The following KCNH1 variants were observed in gnomAD, a reference collection of about 807,000 sequenced individuals.
KCNH1 encodes voltage-gated delayed rectifier potassium channel KCNH1.
KCNH1 carries 27 observed loss-of-function variants against 69.2 expected under a neutral mutation model. The ratio of observed to expected loss-of-function variants is 0.39; its 90% confidence interval spans 0.29 to 0.54. The LOEUF is 0.54. Among genes scored for constraint, KCNH1 ranks in the 20% least tolerant of loss-of-function variants. The probability of loss-of-function intolerance (pLI) is 0.68; values close to 1 mark genes in which losing one functional copy is unlikely to be tolerated. For missense variants in KCNH1, 798 were observed against 1,261.6 expected, an observed-to-expected ratio of 0.63 and a Z score of 5.57; for synonymous variants, 456 against 487.7, an observed-to-expected ratio of 0.93 and a Z score of 0.86.
chr1:211,115,767 G>T (rs917166942), intron 1 of KCNH1, among the ~76,000 whole-genome samples: 5 of 145,044 alleles, frequency 3.4e-5, no homozygotes, highest in Non-Finnish European at 1.5e-5. Flanking sequence ...TATTAGTCCT[G>T]TCCTTCTAGA....
chr1:210,841,699 T>C (rs1187213159), intron 7 of KCNH1, among the ~76,000 whole-genome samples: 1 of 152,182 alleles, frequency 6.6e-6, no homozygotes. Context: ...CTATAATCTC[T>C]TATTTTAACA....
intron 7 of KCNH1, among the ~76,000 whole-genome samples, chr1:210,806,828 A>T (rs1279849795): frequency 0.14 from 6,894 of 51,000 alleles, 948 homozygotes; most frequent in East Asian, 0.36. Flanking sequence ...AAAAAAAAAA[A>T]AAAAAAAAAT....
chr1:211,117,653 A>T (rs1013347969), intron 1 of KCNH1, among the ~76,000 whole-genome samples: 5 of 152,170 alleles, frequency 3.3e-5, no homozygotes, highest in African/African-American at 9.7e-5. Flanking sequence ...CTTCCCCAGC[A>T]ATCCCTAGGC....
chr1:210,849,580 G>A (rs1354142959), intron 7 of KCNH1, among the ~76,000 whole-genome samples: 2 of 151,856 alleles, frequency 1.3e-5, no homozygotes, highest in African/African-American at 4.8e-5. Context: ...TGGTTAGGCT[G>A]GTCTCAAATT....
chr1:210,742,428 T>C (rs1392194828), intron 10 of KCNH1, among the ~76,000 whole-genome samples: 2 of 152,156 alleles, frequency 1.3e-5, no homozygotes, highest in Non-Finnish European at 2.9e-5. Flanking sequence ...AGATGGGAAA[T>C]AGAATTCCTG....
At chr1:210,686,996 C>T (rs747135220) in intron 10 of KCNH1, among the ~76,000 whole-genome samples, 15 of 152,010 alleles carry the variant, frequency 9.9e-5, no homozygotes, top group African/African-American at 2.2e-4. Flanking sequence ...CTAATGAATC[C>T]GTGGGAGAAT....
intron 4 of KCNH1, among the ~76,000 whole-genome samples, chr1:211,086,564 G>A (rs938871580): frequency 6.6e-6 from 1 of 152,036 alleles, no homozygotes; most frequent in African/African-American, 2.4e-5. Context: ...GATAAAGGAG[G>A]GGAACATAGT....
chr1:210,815,655 A>T, intron 7 of KCNH1, among the ~76,000 whole-genome samples: 1 of 152,156 alleles, frequency 6.6e-6, no homozygotes, highest in Middle Eastern at 3.2e-3. Context: ...TTAACAGTCA[A>T]TTTAGAGACT....
intron 7 of KCNH1, among the ~76,000 whole-genome samples, chr1:210,889,326 C>CA (rs1686693306): frequency 6.6e-6 from 1 of 152,006 alleles, no homozygotes; most frequent in African/African-American, 2.4e-5. Flanking sequence ...TCCATAGATG[C>CA]AAAAAAGGCC....
At chr1:211,098,953 C>T (rs1691206481) in intron 3 of KCNH1, among the ~76,000 whole-genome samples, 1 of 152,140 alleles carries the variant, frequency 6.6e-6, no homozygotes, top group Non-Finnish European at 1.5e-5. Flanking sequence ...GTCTCAGAAA[C>T]CTTAGTTCAC....
intron 10 of KCNH1, among the ~76,000 whole-genome samples, chr1:210,696,993 C>T (rs550005218): frequency 6.6e-6 from 1 of 152,190 alleles, no homozygotes. Flanking sequence ...CAACTCTCAA[C>T]CACAAGCCTG....
intron 10 of KCNH1, among the ~76,000 whole-genome samples, chr1:210,722,097 C>T (rs1035747022): frequency 6.6e-6 from 1 of 152,138 alleles, no homozygotes; most frequent in African/African-American, 2.4e-5. Context: ...GCTGGATCCT[C>T]ACAAGGGATC....
At chr1:211,083,781 A>G (rs1191174883) in intron 4 of KCNH1, among the ~76,000 whole-genome samples, 1 of 152,158 alleles carries the variant, frequency 6.6e-6, no homozygotes, top group Non-Finnish European at 1.5e-5. Flanking sequence ...ATTTTTTTAT[A>G]TCCTTCAGAG....
chr1:210,729,031 C>T (rs1682678682), intron 10 of KCNH1, among the ~76,000 whole-genome samples: 1 of 152,252 alleles, frequency 6.6e-6, no homozygotes, highest in African/African-American at 2.4e-5. Flanking sequence ...AGCAAGCTCA[C>T]AGTGGACTAT....
chr1:210,912,236 T>C (rs1687246987), intron 7 of KCNH1, among the ~76,000 whole-genome samples: 2 of 152,160 alleles, frequency 1.3e-5, no homozygotes, highest in Non-Finnish European at 1.5e-5. Flanking sequence ...TTTCTCCCTT[T>C]CACCAAGGGG....
Position 211,019,212 on chromosome 1 carries a change from C to T in KCNH1, c.603G>A (p.Glu201=). 1.2e-6 allele frequency: 2 copies of T among 1,612,308 alleles called. No homozygotes were observed. Among genetic ancestry groups the T allele is most frequent in the Middle Eastern group, 1.7e-4 (1 of 6,056 alleles). Residue 201 remains glutamate, a synonymous_variant, in exon 6 of 11, where the codon GAG becomes GAA. Coordinates refer to ENST00000271751, the MANE Select transcript of KCNH1 (RefSeq NM_172362.3). ...TGATGTGAGGGGGAGTCTTTGGTGC[C>T]TCTTGCTTGTACTGGGGAAGGATGT... ...GSDILPQYKQ[E]APKTPPHIIL...
At chr1:210,821,951 C>G (rs1684938513) in intron 7 of KCNH1, among the ~76,000 whole-genome samples, 1 of 151,988 alleles carries the variant, frequency 6.6e-6, no homozygotes, top group African/African-American at 2.4e-5. Context: ...ATCCTCCCAC[C>G]TCAGCCTCCT....
chr1:210,769,315 C>A (rs1440763565), intron 10 of KCNH1, among the ~76,000 whole-genome samples: 1 of 152,198 alleles, frequency 6.6e-6, no homozygotes, highest in Non-Finnish European at 1.5e-5. Context: ...ATGCTTTCAT[C>A]TTCTCTTCTC....
intron 6 of KCNH1, among the ~76,000 whole-genome samples, chr1:210,988,762 T>C (rs960076550): frequency 6.6e-6 from 1 of 152,198 alleles, no homozygotes; most frequent in Non-Finnish European, 1.5e-5. Context: ...AGTGTTCATG[T>C]TGGAGTGGAG....
Sources: gnomAD v4.1 joint callset for allele counts (sites outside exome capture counted in the v4.1 genomes callset) on GRCh38, gnomAD v4.1.1 for gene constraint, MANE v1.5 for transcripts, NCBI Gene and HGNC (gene_info 2026-07-23, HGNC 2026-07-21) for gene names.